ZNF729: variants seen among roughly 807,000 people sequenced by gnomAD.
ZNF729 encodes the protein zinc finger protein 729.
ZNF729 carries 15 observed loss-of-function variants against 12.2 expected under a neutral mutation model. The ratio of observed to expected loss-of-function variants is 1.23; its 90% CI spans 0.82 to 1.89. ZNF729 has a LOEUF of 1.89. Among genes scored for constraint, ZNF729 ranks in the 40% most tolerant of loss-of-function variants. ZNF729 has a pLI of 0.00. For missense variants in ZNF729, 1,540 were observed against 1,456.7 expected, an observed-to-expected ratio of 1.06 and a Z score of -0.93; for synonymous variants, 492 against 476.3, an observed-to-expected ratio of 1.03 and a Z score of -0.43.
Position 22,313,752 on chromosome 19 carries a change from A to G in ZNF729, c.335A>G (p.Tyr112Cys), listed in dbSNP as rs547893765. 12 of 1,595,140 alleles carry G rather than the reference A, an allele frequency of 7.5e-6. No homozygotes were observed. In the Admixed American group the frequency reaches 2.1e-4, roughly 28 times the overall value. Residue 112 changes from tyrosine (Y) to cysteine (C), a missense_variant, in exon 4 of 4, where the codon TAT (tyrosine) becomes TGT (cysteine). Transcript: ENST00000601693. ...DSFQEVILRTYARCGHKNLRL... is the reference protein window; with the variant it reads ...DSFQEVILRTCARCGHKNLRL... ...TTCCAAGAAGTAATACTGAGAACAT[A>G]TGCAAGATGTGGACATAAGAATTTA...
rs754777220 is a variant in ZNF729 at position 22,304,723 on chromosome 19, C to T, written c.193C>T (p.Leu65=). The stretch of plus-strand genomic sequence containing the variant: ...CTTTAAGCCAGACTTGATAACTTGT[C>T]TGAAGCAAGGGAAAGAGCCTTGGAA... ...AVFKPDLITC[L]KQGKEPWNMK... Residue 65 remains leucine (L), a synonymous_variant, in exon 3 of 4, where the codon CTG becomes TTG. Coordinates refer to ENST00000601693, the MANE Select transcript of ZNF729 (RefSeq NM_001242680.2). 27 of 1,613,014 alleles carry T rather than the reference C, an allele frequency of 1.7e-5. No homozygotes were observed. The highest frequency in any genetic ancestry group is 2.1e-5 in the Non-Finnish European group (25 of 1,179,654).
At chr19:22,288,585 G>A (rs1237843477) in intron 1 of ZNF729, among the ~76,000 whole-genome samples, 1 of 152,126 alleles carries the variant, frequency 6.6e-6, no homozygotes, top group Non-Finnish European at 1.5e-5. Flanking sequence ...GCAGGCGGAT[G>A]CCCTGGAATT....
intron 3 of ZNF729, among the ~76,000 whole-genome samples, chr19:22,307,741 C>CAA (rs113645678): frequency 0.021 from 1,379 of 64,290 alleles, 28 homozygotes; most frequent in African/African-American, 0.065. Flanking sequence ...AAAACTCCAT[C>CAA]AAAAAAAAAA....
rs751229817 is a variant in ZNF729 at position 22,303,743 on chromosome 19, C to T, written c.31-15C>T. Reference sequence around the variant, plus strand: ...ACTTGGGAAATGTATATGTGTCTTTCGTTGTGTTTTTCAGGGACCATTGAC... The same window carrying T: ...ACTTGGGAAATGTATATGTGTCTTTTGTTGTGTTTTTCAGGGACCATTGAC... On this transcript the variant is annotated splice_polypyrimidine_tract_variant and intron_variant, in intron 1 of 3. Transcript: ENST00000601693. The T allele has an allele frequency of 1.9e-5, 29 of 1,534,226 alleles. No individual in the cohort carries two copies. The highest frequency in any genetic ancestry group is 7.5e-5 in the Admixed American group (4 of 53,638).
At chr19:22,305,949 C>T (rs1394720778) in intron 3 of ZNF729, among the ~76,000 whole-genome samples, 1 of 152,018 alleles carries the variant, frequency 6.6e-6, no homozygotes, top group African/African-American at 2.4e-5. Context: ...ATTACAGGCA[C>T]ATGGCATTAA....
chr19:22,306,114 A>T (rs1968374189), intron 3 of ZNF729, among the ~76,000 whole-genome samples: 1 of 152,028 alleles, frequency 6.6e-6, no homozygotes, highest in African/African-American at 2.4e-5. Flanking sequence ...TAAGTAGTTT[A>T]AAAAATTTAT....
In ZNF729 at chr19:22,317,035, T is replaced by G; in HGVS notation, c.3618T>G (p.His1206Gln). Residue 1206 changes from histidine (H) to glutamine (Q), a missense_variant, in exon 4 of 4, where the codon CAT becomes CAG. His to Gln is a conservative substitution (Grantham distance 24, BLOSUM62 0). Transcript: ENST00000601693. Reference protein sequence around the residue: ...AFIQCSYLIRHKTIHTREKPT... With the variant: ...AFIQCSYLIRQKTIHTREKPT... ...TTCAGTGCTCATACCTTATTAGACA[T>G]AAAACAATTCATACCAGAGAGAAAC... 1.2e-6 allele frequency: 2 copies of G among 1,607,420 alleles called. No homozygotes were observed. Among genetic ancestry groups the G allele is most frequent in the Non-Finnish European group, 1.7e-6 (2 of 1,179,154 alleles).
intron 3 of ZNF729, among the ~76,000 whole-genome samples, chr19:22,308,720 T>C (rs570214751): frequency 1.3e-5 from 2 of 151,958 alleles, no homozygotes; most frequent in East Asian, 1.9e-4. Flanking sequence ...GATGGGATTG[T>C]TTTTTTTCTT....
chr19:22,303,184 C>G (rs568151217), intron 1 of ZNF729, among the ~76,000 whole-genome samples: 2 of 152,278 alleles, frequency 1.3e-5, no homozygotes, highest in South Asian at 4.1e-4. Context: ...AAAATGAAGT[C>G]TCTCATCTTT....
At chr19:22,309,306 G>A (rs1968422195) in intron 3 of ZNF729, among the ~76,000 whole-genome samples, 1 of 152,090 alleles carries the variant, frequency 6.6e-6, no homozygotes, top group Admixed American at 6.6e-5. Context: ...TTAGCCAGGT[G>A]CAGTGGTGGG....
chr19:22,307,332 T>G (rs1330027702), intron 3 of ZNF729, among the ~76,000 whole-genome samples: 22 of 151,156 alleles, frequency 1.5e-4, no homozygotes, highest in Admixed American at 4.0e-4. Flanking sequence ...TTTTTTTTTT[T>G]TTTTTTTTTT....
At position 22,315,907 on chromosome 19, in the gene ZNF729, C is replaced by T. The variant is rs201999148; in HGVS notation, c.2490C>T (p.Gly830=). 2,282 of 1,610,854 alleles carry T rather than the reference C, an allele frequency of 1.4e-3. 1 individual carries two copies. Among genetic ancestry groups the T allele is most frequent in the Non-Finnish European group, 1.8e-3 (2,141 of 1,179,678 alleles). Reference sequence around the variant, plus strand: ...AACCCTGCAAATGTGAAGAATGTGGCAAAGCTTTTAAGCATTTCTCAGCCC... The same window carrying T: ...AACCCTGCAAATGTGAAGAATGTGGTAAAGCTTTTAAGCATTTCTCAGCCC... ...GEKPCKCEEC[G]KAFKHFSALR... The change falls in exon 4 of 4, where the codon GGC becomes GGT. Residue 830 remains glycine, a synonymous_variant. Coordinates refer to ENST00000601693, the MANE Select transcript of ZNF729 (RefSeq NM_001242680.2).
At chr19:22,311,950 CTTTG>C (rs1968454473) in intron 3 of ZNF729, among the ~76,000 whole-genome samples, 1 of 151,372 alleles carries the variant, frequency 6.6e-6, no homozygotes, top group Admixed American at 6.6e-5. Flanking sequence ...TAATGTCCCT[CTTTG>C]TTTTTTTTAA....
intron 1 of ZNF729, among the ~76,000 whole-genome samples, chr19:22,294,446 C>G (rs1440497976): frequency 1.3e-5 from 2 of 152,072 alleles, no homozygotes; most frequent in African/African-American, 2.4e-5. Flanking sequence ...CTTGGCTACT[C>G]GGGCTCTTTT....
At position 22,286,702 on chromosome 19, in the gene ZNF729, C is replaced by A; in HGVS notation, c.30+147C>A. The A allele has an allele frequency of 4.6e-6, 5 of 1,076,962 alleles. No individual in the cohort carries two copies. In the East Asian group the frequency reaches 7.2e-5, roughly 15 times the overall value. 66.7% of individuals were successfully genotyped at this position (1,076,962 alleles called of 1,614,324 possible). A position where few individuals can be genotyped will look rare whatever the true frequency, so the allele number is the denominator to read the frequency against. Reference sequence around the variant, plus strand: ...TTCCCATCTCGGCCTCAGTCTCCTTCAGCCATAAGATGGCGAATGCGCTGA... The same window carrying A: ...TTCCCATCTCGGCCTCAGTCTCCTTAAGCCATAAGATGGCGAATGCGCTGA... On this transcript the variant is annotated intron_variant, in intron 1 of 3. Transcript: ENST00000601693.
At chr19:22,289,218 A>G (rs1212952357) in intron 1 of ZNF729, among the ~76,000 whole-genome samples, 4 of 149,268 alleles carry the variant, frequency 2.7e-5, no homozygotes, top group Admixed American at 2.7e-4. Context: ...TATATATTCC[A>G]TTTGTTAATT....
At chr19:22,306,365 G>C (rs1441647515) in intron 3 of ZNF729, among the ~76,000 whole-genome samples, 2 of 151,264 alleles carry the variant, frequency 1.3e-5, no homozygotes, top group Non-Finnish European at 2.9e-5. Flanking sequence ...GTTGAACCCG[G>C]AGGTGCAGGT....
chr19:22,296,862 G>C (rs1033305007), intron 1 of ZNF729, among the ~76,000 whole-genome samples: 6 of 152,126 alleles, frequency 3.9e-5, no homozygotes, highest in Admixed American at 6.6e-5. Context: ...AGTCATTCAA[G>C]TGCAGGTTAA....
rs776229684 is a variant in ZNF729, at chr19:22,317,118, A to G, written c.3701A>G (p.Lys1234Arg). Reference protein sequence around the residue: ...LLSNPHTLLDKTIHTGEKPYK... With the variant: ...LLSNPHTLLDRTIHTGEKPYK... ...AGCAATCCTCACACCTTACTAGACA[A>G]AACAATTCATACTGGAGAGAAACCC... The change falls in exon 4 of 4, where the codon AAA becomes AGA. Residue 1234 changes from lysine to arginine, a missense_variant. Physicochemically the swap from Lys to Arg is conservative, Grantham distance 26. Transcript: ENST00000601693. 7.5e-6 allele frequency: 12 copies of G among 1,601,946 alleles called. No individual in the cohort carries two copies. Among genetic ancestry groups the G allele is most frequent in the Non-Finnish European group, 1.0e-5 (12 of 1,174,820 alleles).
Sources: allele counts gnomAD v4.1 joint callset (sites outside exome capture counted in the v4.1 genomes callset), GRCh38; gene constraint gnomAD v4.1.1; transcripts MANE v1.5; gene names NCBI Gene and HGNC (gene_info 2026-07-23, HGNC 2026-07-21).